HDAC4: variants seen among roughly 807,000 people sequenced by gnomAD.
HDAC4 encodes the protein histone deacetylase 4.
HDAC4 carries 16 observed loss-of-function variants against 135.1 expected under a neutral mutation model. The observed-to-expected ratio is 0.12, with a 90% confidence interval of 0.08 to 0.18. The LOEUF (loss-of-function observed/expected upper bound fraction) is 0.18. Among genes scored for constraint, HDAC4 ranks in the 10% least tolerant of loss-of-function variants. The pLI is 1.00. For missense variants in HDAC4, 1,143 were observed against 1,511.8 expected, an observed-to-expected ratio of 0.76 and a Z score of 4.05; for synonymous variants, 685 against 653.4, an observed-to-expected ratio of 1.05 and a Z score of -0.74.
chr2:239,118,346 G>A (rs184475949), intron 12 of HDAC4, among the ~76,000 whole-genome samples: 1 of 152,242 alleles, frequency 6.6e-6, no homozygotes, highest in African/African-American at 2.4e-5. Context: ...ACAGGGAAAT[G>A]GAGCCAGGTC....
At chr2:239,334,732 T>A (rs1691810949) in intron 2 of HDAC4, among the ~76,000 whole-genome samples, 1 of 151,320 alleles carries the variant, frequency 6.6e-6, no homozygotes, top group Non-Finnish European at 1.5e-5. Flanking sequence ...ATTTTAAAAT[T>A]CATATGGAGG....
intron 2 of HDAC4, among the ~76,000 whole-genome samples, chr2:239,283,852 A>T (rs1019906335): frequency 2.0e-5 from 3 of 152,146 alleles, no homozygotes; most frequent in Non-Finnish European, 4.4e-5. Flanking sequence ...AGCAAAATAC[A>T]TTTGCTAGCT....
At chr2:239,357,654 T>TG (rs906487485) in intron 1 of HDAC4, among the ~76,000 whole-genome samples, 2 of 148,958 alleles carry the variant, frequency 1.3e-5, no homozygotes, top group African/African-American at 5.0e-5. Context: ...GAGGCCGAGG[T>TG]GGGGGGATTG....
chr2:239,363,379 C>T (rs1176162057), intron 1 of HDAC4, among the ~76,000 whole-genome samples: 1 of 152,238 alleles, frequency 6.6e-6, no homozygotes, highest in African/African-American at 2.4e-5. Context: ...TACCAAATAT[C>T]AAGACTTCTT....
chr2:239,148,794 GT>G (rs1446556311), intron 7 of HDAC4, among the ~76,000 whole-genome samples: 1 of 152,214 alleles, frequency 6.6e-6, no homozygotes, highest in East Asian at 1.9e-4. Context: ...AGAGCAGACC[GT>G]TCACACGCAC....
chr2:239,067,257 A>G (rs1211552396), intron 23 of HDAC4, among the ~76,000 whole-genome samples: 2 of 152,232 alleles, frequency 1.3e-5, no homozygotes, highest in African/African-American at 4.8e-5. Flanking sequence ...CACAGGCTGC[A>G]TGTGCTCCTG....
chr2:239,384,249 A>G (rs1695628521), intron 1 of HDAC4, among the ~76,000 whole-genome samples: 1 of 152,128 alleles, frequency 6.6e-6, no homozygotes, highest in South Asian at 2.1e-4. Flanking sequence ...AAGATCCATG[A>G]TCTCCCTAAA....
intron 1 of HDAC4, among the ~76,000 whole-genome samples, chr2:239,353,853 C>A (rs969850264): frequency 1.3e-5 from 2 of 152,218 alleles, no homozygotes; most frequent in African/African-American, 2.4e-5. Context: ...TGCACGCTTG[C>A]ATCAGCCTGG....
chr2:239,351,235 G>A (rs1024703259), intron 2 of HDAC4, among the ~76,000 whole-genome samples: 3 of 152,210 alleles, frequency 2.0e-5, no homozygotes, highest in Non-Finnish European at 2.9e-5. Flanking sequence ...ATTGTTTGAT[G>A]CCAATTTGGA....
intron 22 of HDAC4, among the ~76,000 whole-genome samples, chr2:239,071,906 T>C (rs543000241): frequency 7.9e-5 from 12 of 152,144 alleles, no homozygotes; most frequent in Non-Finnish European, 1.6e-4. Context: ...TAATTGTGGG[T>C]CCTCTACAAT....
chr2:239,194,777 G>C (rs2045255489), intron 3 of HDAC4, among the ~76,000 whole-genome samples: 1 of 152,200 alleles, frequency 6.6e-6, no homozygotes, highest in Non-Finnish European at 1.5e-5. Flanking sequence ...GGTCACCCTA[G>C]AGCTGCCAAG....
intron 2 of HDAC4, among the ~76,000 whole-genome samples, chr2:239,334,796 G>T (rs1212825288): frequency 1.3e-5 from 2 of 152,144 alleles, no homozygotes; most frequent in Non-Finnish European, 2.9e-5. Flanking sequence ...GCCGAGGCAG[G>T]TGGATCACAA....
intron 2 of HDAC4, among the ~76,000 whole-genome samples, chr2:239,323,138 A>G (rs145213035): frequency 6.6e-6 from 1 of 152,358 alleles, no homozygotes; most frequent in African/African-American, 2.4e-5. Context: ...TATTTACTAT[A>G]CAAAAAATTT....
intron 6 of HDAC4, among the ~76,000 whole-genome samples, chr2:239,160,615 C>A (rs765528156): frequency 3.4e-4 from 52 of 152,360 alleles, no homozygotes; most frequent in Admixed American, 9.1e-4. Context: ...CTCTGGGGCT[C>A]CCCCAAGCTG....
chr2:239,234,481 C>A (rs1051344239), intron 3 of HDAC4, among the ~76,000 whole-genome samples: 3 of 152,142 alleles, frequency 2.0e-5, no homozygotes, highest in African/African-American at 7.2e-5. Context: ...AGGTCCAGGC[C>A]TTGAACGGGG....
intron 2 of HDAC4, chr2:239,298,102 G>A (rs1476149348): frequency 7.2e-6 from 6 of 835,858 alleles, no homozygotes; most frequent in Non-Finnish European, 1.0e-5. Flanking sequence ...ATATTTCACA[G>A]GATAAAAAAA....
At chr2:239,087,537 C>T (rs755880025) in intron 19 of HDAC4, 22 bp downstream of exon 19, 96 of 1,609,944 alleles carry the variant, frequency 6.0e-5, no homozygotes, top group Middle Eastern at 1.7e-4. Flanking sequence ...CCCTGCTGTG[C>T]GGGGCTGCGG....
intron 3 of HDAC4, among the ~76,000 whole-genome samples, chr2:239,230,401 T>C (rs169731): frequency 0.71 from 99,067 of 138,644 alleles, 36,128 homozygotes; most frequent in South Asian, 0.82. Context: ...GCAAAGCAGG[T>C]GACATGTTCC....
rs1372533715 is a variant in HDAC4 at position 239,308,670 on chromosome 2, G to T, written c.22+44008C>A. 8.7e-6 allele frequency among the ~76,000 whole-genome samples: 1 copy of T among 114,616 alleles called. No individual in the cohort carries two copies. The highest frequency in any genetic ancestry group is 2.3e-5 in the Non-Finnish European group (1 of 42,844). 75.2% of individuals were successfully genotyped at this position (114,616 alleles called of 152,430 possible). A position where few individuals can be genotyped will look rare whatever the true frequency, so the allele number is the denominator to read the frequency against. On this transcript the variant is annotated intron_variant, in intron 2 of 26. Transcript: ENST00000543185. The surrounding 1 kb of genome is among the most constrained non-coding windows in gnomAD (Gnocchi z 4.2). ...GGCAGAGTGTGGTTAACAGGCCTCC[G>T]GGTGTCCCCCCCTTCCAGCCCAGTG...
Sources: allele counts gnomAD v4.1 joint callset (sites outside exome capture counted in the v4.1 genomes callset), GRCh38; gene constraint gnomAD v4.1.1; non-coding constraint Gnocchi (gnomAD v3.1); transcripts MANE v1.5; gene names NCBI Gene and HGNC (gene_info 2026-07-23, HGNC 2026-07-21).